Variants in IQANK1 observed in about 807,000 individuals in gnomAD.
IQANK1 encodes IQ motif and ankyrin repeat containing 1.
IQANK1 carries 30 observed loss-of-function variants against 22.6 expected under a neutral mutation model. The ratio of observed to expected loss-of-function variants is 1.33; its 90% confidence interval spans 0.99 to 1.80. IQANK1 has a LOEUF of 1.80. IQANK1 is among the 40% of genes most tolerant of loss of function. IQANK1 has a pLI of 0.00. For missense variants in IQANK1, 275 were observed against 235.2 expected (o/e 1.17, Z -1.11); for synonymous variants, 122 against 99.6 (o/e 1.23, Z -1.34).
chr8:143,751,658 G>GTATATATATATA (rs1325258601), intron 3 of IQANK1, among the ~76,000 whole-genome samples: 15 of 38,834 alleles, frequency 3.9e-4, no homozygotes, highest in South Asian at 1.1e-3. Context: ...GTGTGTGTGT[G>GTATATATATATA]TGTGTGTATA....
chr8:143,784,307 T>C (rs782770815), intron 7 of IQANK1, among the ~76,000 whole-genome samples: 2 of 152,160 alleles, frequency 1.3e-5, no homozygotes, highest in Non-Finnish European at 2.9e-5. Flanking sequence ...TCATGAGATC[T>C]GGTTGTTTAG....
chr8:143,767,515 G>A (rs146996685), intron 3 of IQANK1, among the ~76,000 whole-genome samples: 1 of 152,284 alleles, frequency 6.6e-6, no homozygotes, highest in East Asian at 1.9e-4. Flanking sequence ...AACTTACCCA[G>A]CTTCCTCTAA....
In IQANK1 at chr8:143,768,134, C is replaced by T. The variant is rs7009789; in HGVS notation, c.176-3354C>T. ...CTGACATCAGGTGACCCACCTGCCTCGGACTCCCAAAGTGCTGGGGTTACA... is the reference window on the plus strand; with the variant it reads ...CTGACATCAGGTGACCCACCTGCCTTGGACTCCCAAAGTGCTGGGGTTACA... On this transcript the variant is annotated intron_variant, in intron 3 of 13. Coordinates refer to ENST00000527139, the MANE Select transcript of IQANK1 (RefSeq NM_001381874.1). 9.6e-3 allele frequency among the ~76,000 whole-genome samples: 1,457 copies of T among 151,752 alleles called. 27 individuals are homozygous for T. The highest frequency in any genetic ancestry group is 0.033 in the African/African-American group (1,368 of 41,402).
At chr8:143,780,521 T>C (rs1396858421) in intron 7 of IQANK1, among the ~76,000 whole-genome samples, 1 of 152,144 alleles carries the variant, frequency 6.6e-6, no homozygotes, top group Non-Finnish European at 1.5e-5. Context: ...TTTCCTTCTT[T>C]GTGTTCCTAA....
chr8:143,755,551 A>G (rs1554628398), intron 3 of IQANK1, among the ~76,000 whole-genome samples: 1 of 151,980 alleles, frequency 6.6e-6, no homozygotes, highest in Non-Finnish European at 1.5e-5. Flanking sequence ...TTTAGTAGAG[A>G]TGGGGTTTCA....
At chr8:143,783,211 AAT>A (rs1174580653) in intron 7 of IQANK1, among the ~76,000 whole-genome samples, 3 of 152,168 alleles carry the variant, frequency 2.0e-5, no homozygotes, top group Non-Finnish European at 4.4e-5. Flanking sequence ...TCCCACTGAC[AAT>A]ATGTTATAGT....
chr8:143,758,051 C>T lies in IQANK1; in HGVS notation c.176-13437C>T, dbSNP rs1819325695. The T allele has an allele frequency of 2.6e-5, 4 of 152,188 alleles. No homozygotes were observed. The highest frequency in any genetic ancestry group is 2.6e-4 in the Admixed American group (4 of 15,272). 9.4% of individuals were successfully genotyped at this position (152,188 alleles called of 1,614,324 possible). A position where few individuals can be genotyped will look rare whatever the true frequency, so the allele number is the denominator to read the frequency against. On this transcript the variant is annotated intron_variant, in intron 3 of 13. Coordinates refer to ENST00000527139, the MANE Select transcript of IQANK1 (RefSeq NM_001381874.1). This position sits in a 1 kb window ranked among gnomAD's most constrained non-coding sequence, Gnocchi z 4.2. Reference sequence around the variant, plus strand: ...TAAAGATCTCTGGATTAGATTACCTCAGAGAGTGGTAGCACTGACCCAGCA... The same window carrying T: ...TAAAGATCTCTGGATTAGATTACCTTAGAGAGTGGTAGCACTGACCCAGCA...
At chr8:143,737,850 C>G (rs115557358) in intron 2 of IQANK1, among the ~76,000 whole-genome samples, 4,609 of 152,346 alleles carry the variant, frequency 0.03, 229 homozygotes, top group African/African-American at 0.11. Flanking sequence ...CACCGGTCCT[C>G]CAGCAGCAGC....
At chr8:143,734,975 C>T (rs1260852864) in intron 1 of IQANK1, among the ~76,000 whole-genome samples, 1 of 152,188 alleles carries the variant, frequency 6.6e-6, no homozygotes, top group Non-Finnish European at 1.5e-5. Flanking sequence ...ACCACCACCC[C>T]TCGCCCCTGC....
intron 3 of IQANK1, among the ~76,000 whole-genome samples, chr8:143,749,599 AT>A (rs34038799): frequency 3.7e-4 from 51 of 137,968 alleles, no homozygotes; most frequent in Admixed American, 1.7e-3. Flanking sequence ...TTATTTATTT[AT>A]TTTTTTTTTT....
chr8:143,766,101 G>A (rs1819476242), intron 3 of IQANK1, among the ~76,000 whole-genome samples: 1 of 152,094 alleles, frequency 6.6e-6, no homozygotes. Context: ...TCTCTAGCCG[G>A]TGTGCGTGGT....
chr8:143,776,177 C>T (rs144982919), intron 7 of IQANK1, among the ~76,000 whole-genome samples: 3,591 of 151,134 alleles, frequency 0.024, 172 homozygotes, highest in African/African-American at 0.082. Flanking sequence ...ACAAATTAGC[C>T]GGGCGTGGTG....
intron 3 of IQANK1, among the ~76,000 whole-genome samples, chr8:143,766,202 T>G (rs189772984): frequency 6.6e-6 from 1 of 152,364 alleles, no homozygotes; most frequent in East Asian, 1.9e-4. Flanking sequence ...TAGGCTCTTG[T>G]GTGCATTCAG....
At chr8:143,778,474 T>G (rs1353570354) in intron 7 of IQANK1, among the ~76,000 whole-genome samples, 1 of 152,188 alleles carries the variant, frequency 6.6e-6, no homozygotes, top group Admixed American at 6.5e-5. Context: ...TAAATGTTCA[T>G]GCAGCTACTA....
intron 3 of IQANK1, among the ~76,000 whole-genome samples, chr8:143,768,966 C>G (rs1819526293): frequency 6.6e-6 from 1 of 152,058 alleles, no homozygotes; most frequent in Admixed American, 6.6e-5. Flanking sequence ...GATTCTGACC[C>G]AAATAGGGCT....
intron 3 of IQANK1, among the ~76,000 whole-genome samples, chr8:143,749,087 TATAA>T (rs1819122958): frequency 8.2e-6 from 1 of 122,492 alleles, no homozygotes; most frequent in Non-Finnish European, 1.6e-5. Flanking sequence ...TATAAATGTA[TATAA>T]ATATATAGCA....
chr8:143,771,803 C>A lies in IQANK1; in HGVS notation c.309C>A (p.Ala103=). 1 of 396,768 alleles carries A rather than the reference C, an allele frequency of 2.5e-6. No homozygotes were observed. The highest frequency in any genetic ancestry group is 4.4e-6 in the Non-Finnish European group (1 of 224,972). The allele number at this position is 396,768 out of a possible 1,614,324, so 24.6% of individuals were successfully genotyped here. The change falls in exon 5 of 14, where the codon GCC becomes GCA. Residue 103 remains alanine (A), a splice_region_variant and synonymous_variant. Transcript: ENST00000527139. The surrounding 1 kb of genome is among the most constrained non-coding windows in gnomAD (Gnocchi z 6.0). Reference sequence around the variant, plus strand: ...TGACTTCGGCGGGCGCCTCCCAGGCCTACCTGGCTCCGGTGCGCCGGGAGC... The same window carrying A: ...TGACTTCGGCGGGCGCCTCCCAGGCATACCTGGCTCCGGTGCGCCGGGAGC... ...LEQMETPQKE[A]YLAPVRREQE...
intron 3 of IQANK1, among the ~76,000 whole-genome samples, chr8:143,743,339 G>A (rs909306296): frequency 2.0e-5 from 3 of 152,208 alleles, no homozygotes; most frequent in African/African-American, 4.8e-5. Context: ...CTGGGCTTAA[G>A]TGATCCTCCT....
At position 143,759,227 on chromosome 8, in the gene IQANK1, G is replaced by A. The variant is rs117757853; in HGVS notation, c.176-12261G>A. 7.9e-3 allele frequency: 1,540 copies of A among 194,292 alleles called. 10 individuals carry two copies. The highest frequency in any genetic ancestry group is 0.012 in the Non-Finnish European group (1,126 of 91,874). 12.0% of individuals were successfully genotyped at this position (194,292 alleles called of 1,614,324 possible). A position where few individuals can be genotyped will look rare whatever the true frequency, so the allele number is the denominator to read the frequency against. On this transcript the variant is annotated intron_variant, in intron 3 of 13. Transcript: ENST00000527139. ...ACTGCTTCACACTAGGGCTGTGGAC[G>A]TTACAGCCCTGCACCAGCAAATCCC... is the stretch of plus-strand genomic sequence containing the variant.
Sources: gnomAD v4.1 joint callset for allele counts (sites outside exome capture counted in the v4.1 genomes callset) on GRCh38, gnomAD v4.1.1 for gene constraint, Gnocchi (gnomAD v3.1) non-coding constraint, MANE v1.5 for transcripts, NCBI Gene and HGNC (gene_info 2026-07-23, HGNC 2026-07-21) for gene names.